The following CRK variants were observed in gnomAD, a reference collection of about 807,000 sequenced individuals.
The protein encoded by CRK is CRK proto-oncogene, adaptor protein, also known as adapter molecule crk.
In CRK, 4 loss-of-function variants were observed where a neutral mutation model predicts 29.8. The ratio of observed to expected loss-of-function variants is 0.13; its 90% confidence interval spans 0.07 to 0.31. The LOEUF (loss-of-function observed/expected upper bound fraction) is 0.31. Among genes scored for constraint, CRK ranks in the 10% least tolerant of loss-of-function variants. The probability of loss-of-function intolerance (pLI) is 1.00; values close to 1 mark genes in which losing one functional copy is unlikely to be tolerated. For synonymous variants in CRK, 153 were observed against 164.9 expected, an observed-to-expected ratio of 0.93 and a Z score of 0.55; for missense variants, 274 against 396.5, an observed-to-expected ratio of 0.69 and a Z score of 2.62.
intron 1 of CRK, among the ~76,000 whole-genome samples, chr17:1,443,935 T>C (rs1380266258): frequency 2.0e-5 from 3 of 146,572 alleles, no homozygotes; most frequent in South Asian, 4.4e-4. Flanking sequence ...CTCCTGACCT[T>C]GTGATCCGCC....
rs558967776 is a variant in CRK, at chr17:1,433,508, GCTTTTTTT to G, written c.777+3104_777+3111del. On this transcript the variant is annotated intron_variant, in intron 2 of 2. Coordinates refer to ENST00000300574, the MANE Select transcript of CRK (RefSeq NM_016823.4). The stretch of plus-strand genomic sequence containing the variant: ...CCACAGGTGCACACCACCACGCCTG[GCTTTTTTT>G]TTTTTTTTTTTTTTTTTTTGAGATG... Among the ~76,000 whole-genome samples the G allele has an allele frequency of 3.8e-4, 44 of 114,368 alleles. 3 individuals carry two copies. The highest frequency in any genetic ancestry group is 3.6e-3 in the East Asian group (16 of 4,402). 75.0% of individuals were successfully genotyped at this position (114,368 alleles called of 152,430 possible). A position where few individuals can be genotyped will look rare whatever the true frequency, so the allele number is the denominator to read the frequency against.
At chr17:1,449,972 G>A (rs2074004817) in intron 1 of CRK, among the ~76,000 whole-genome samples, 1 of 152,196 alleles carries the variant, frequency 6.6e-6, no homozygotes, top group African/African-American at 2.4e-5. Flanking sequence ...GTCAAGGCAG[G>A]TGGATTACTT....
intron 2 of CRK, among the ~76,000 whole-genome samples, chr17:1,434,952 C>T (rs2150905005): frequency 6.6e-6 from 1 of 152,270 alleles, no homozygotes; most frequent in Middle Eastern, 3.4e-3. Context: ...AGTAAAGCCT[C>T]TAATTAAGGC....
chr17:1,429,218 A>T (rs1005810781), intron 2 of CRK, among the ~76,000 whole-genome samples: 2 of 152,054 alleles, frequency 1.3e-5, no homozygotes, highest in African/African-American at 2.4e-5. Flanking sequence ...TACACCGGGT[A>T]CGCTGGCCTG....
intron 2 of CRK, among the ~76,000 whole-genome samples, chr17:1,430,815 C>A (rs371892190): frequency 1.3e-5 from 2 of 151,774 alleles, no homozygotes; most frequent in Admixed American, 1.3e-4. Context: ...TGCCTGTAAT[C>A]CCAGCACTTT....
chr17:1,442,996 T>TTTTTTTTC (rs2073947240), intron 1 of CRK, among the ~76,000 whole-genome samples: 1 of 149,904 alleles, frequency 6.7e-6, no homozygotes, highest in Non-Finnish European at 1.5e-5. Context: ...TTTTTTTTTT[T>TTTTTTTTC]GAGACGGACT....
At chr17:1,446,458 G>GACT (rs1317051279) in intron 1 of CRK, among the ~76,000 whole-genome samples, 1 of 152,126 alleles carries the variant, frequency 6.6e-6, no homozygotes. Flanking sequence ...GAACAAATGA[G>GACT]ACTACTAAGC....
At position 1,423,070 on chromosome 17, in the gene CRK, C is replaced by T. The variant is rs968845920; in HGVS notation, c.*443G>A. 7 of 403,822 alleles carry T rather than the reference C, an allele frequency of 1.7e-5. No homozygotes were observed. In the East Asian group the frequency reaches 1.8e-4, roughly 10 times the overall value. 25.0% of individuals were successfully genotyped at this position (403,822 alleles called of 1,614,324 possible). ...GCAATCCTGCTTGATACTATTCACA[C>T]GGTGCATGATTACTTCACGGGGGTG... On this transcript the variant is annotated 3_prime_UTR_variant, in exon 3 of 3. Coordinates refer to ENST00000300574, the MANE Select transcript of CRK (RefSeq NM_016823.4).
chr17:1,443,617 T>C (rs371179376), intron 1 of CRK, among the ~76,000 whole-genome samples: 4 of 151,210 alleles, frequency 2.6e-5, no homozygotes, highest in East Asian at 1.9e-4. Flanking sequence ...GCCAGGATGG[T>C]TTCGATCTCC....
chr17:1,450,016 T>C (rs1414551352), intron 1 of CRK, among the ~76,000 whole-genome samples: 2 of 151,500 alleles, frequency 1.3e-5, no homozygotes, highest in Admixed American at 6.6e-5. Flanking sequence ...CTGGCCAACA[T>C]GGTGAAACCC....
At chr17:1,442,560 A>G (rs2073943333) in intron 1 of CRK, among the ~76,000 whole-genome samples, 1 of 148,538 alleles carries the variant, frequency 6.7e-6, no homozygotes, top group South Asian at 2.1e-4. Flanking sequence ...GCCATTATTA[A>G]TTTTAATTAT....
intron 1 of CRK, among the ~76,000 whole-genome samples, chr17:1,446,931 A>G (rs2073979989): frequency 6.6e-6 from 1 of 152,190 alleles, no homozygotes; most frequent in Admixed American, 6.6e-5. Flanking sequence ...ATAGACACAG[A>G]AACGTAAGCA....
At chr17:1,455,562 G>C (rs1459946369) in intron 1 of CRK, among the ~76,000 whole-genome samples, 1 of 152,138 alleles carries the variant, frequency 6.6e-6, no homozygotes, top group Non-Finnish European at 1.5e-5. Flanking sequence ...TCAGCTCTTT[G>C]TCCCCACGTT....
At position 1,423,327 on chromosome 17, in the gene CRK, G is replaced by T; in HGVS notation, c.*186C>A. On this transcript the variant is annotated 3_prime_UTR_variant, in exon 3 of 3. Transcript: ENST00000300574. ...CAGAAGCTAACACACAAGCCCTCCAGTTCGTACCCTGAATATGGTAATTAA... is the reference window on the plus strand; with the variant it reads ...CAGAAGCTAACACACAAGCCCTCCATTTCGTACCCTGAATATGGTAATTAA... The T allele has an allele frequency of 1.3e-6, 1 of 750,490 alleles. No homozygotes were observed. The highest frequency in any genetic ancestry group is 2.1e-6 in the Non-Finnish European group (1 of 483,560). The allele number at this position is 750,490 out of a possible 1,614,324, so 46.5% of individuals were successfully genotyped here.
At chr17:1,447,741 C>T (rs1339711736) in intron 1 of CRK, among the ~76,000 whole-genome samples, 7 of 151,382 alleles carry the variant, frequency 4.6e-5, no homozygotes, top group African/African-American at 1.2e-4. Context: ...CTTAGCCTCT[C>T]GAGTAGCTGG....
At chr17:1,449,829 G>C (rs1050939729) in intron 1 of CRK, among the ~76,000 whole-genome samples, 1 of 152,156 alleles carries the variant, frequency 6.6e-6, no homozygotes, top group South Asian at 2.1e-4. Context: ...TGCAAGCTGA[G>C]GACCCAAGAC....
chr17:1,432,542 C>A (rs556921524), intron 2 of CRK, among the ~76,000 whole-genome samples: 10 of 147,662 alleles, frequency 6.8e-5, no homozygotes, highest in Non-Finnish European at 1.5e-4. Context: ...CTTTGGGAGG[C>A]GAAGGCAGGT....
intron 2 of CRK, among the ~76,000 whole-genome samples, chr17:1,423,878 T>C (rs1331460077): frequency 1.3e-5 from 2 of 152,138 alleles, no homozygotes; most frequent in Non-Finnish European, 2.9e-5. Flanking sequence ...ATACAGAAAG[T>C]AAAAGGGATT....
Position 1,423,476 on chromosome 17 carries a change from A to G in CRK, c.*37T>C, listed in dbSNP as rs1429345418. 5 of 1,565,282 alleles carry G rather than the reference A, an allele frequency of 3.2e-6. No homozygotes were observed. The Admixed American group carries it at 9.9e-5, about 31-fold the overall frequency. ...TGGCAGTTGGAAAAAAAAAAAAAAG[A>G]TTGTTCCCATCTGTCAGCAAAACTG... On this transcript the variant is annotated 3_prime_UTR_variant, in exon 3 of 3. Transcript: ENST00000300574.
Sources: allele counts gnomAD v4.1 joint callset (sites outside exome capture counted in the v4.1 genomes callset), GRCh38; gene constraint gnomAD v4.1.1; transcripts MANE v1.5; gene names NCBI Gene and HGNC (gene_info 2026-07-23, HGNC 2026-07-21).